RBM27: variants seen among roughly 807,000 people sequenced by gnomAD.
The protein encoded by RBM27 is RNA-binding protein 27.
A neutral mutation model predicts 135.3 loss-of-function variants in RBM27; 22 were observed. The ratio of observed to expected loss-of-function variants is 0.16; its 90% CI spans 0.12 to 0.23. The LOEUF (loss-of-function observed/expected upper bound fraction) is 0.23, where lower values mean the gene tolerates loss of function less well. RBM27 is among the 10% of genes least tolerant of loss of function. The pLI is 1.00. For synonymous variants in RBM27, 481 were observed against 442.4 expected (o/e 1.09, Z -1.10); for missense variants, 1,009 against 1,281.0 (o/e 0.79, Z 3.24).
rs114132358 is a variant in RBM27, at chr5:146,252,793, C to G, written c.1444+918C>G. Among the ~76,000 whole-genome samples, 627 of 152,206 alleles carry G rather than the reference C, an allele frequency of 4.1e-3. 5 individuals carry two copies. Among genetic ancestry groups the G allele is most frequent in the African/African-American group, 0.013 (559 of 41,508 alleles). ...TACTTTTAAGCTAGACATATCATTA[C>G]AGTGTGTTTCCATCAGGAGGGAATG... On this transcript the variant is annotated intron_variant, in intron 9 of 20. Transcript: ENST00000265271.
chr5:146,268,328 C>G (rs1476917194), intron 15 of RBM27, among the ~76,000 whole-genome samples: 1 of 151,676 alleles, frequency 6.6e-6, no homozygotes, highest in South Asian at 2.1e-4. Flanking sequence ...CTGCAACCTC[C>G]GCCTCCTGGG....
chr5:146,223,307 A>G, intron 2 of RBM27, 96 bp from the exon 3 acceptor site: 2 of 1,181,828 alleles, frequency 1.7e-6, no homozygotes, highest in Non-Finnish European at 2.4e-6. Flanking sequence ...CTAGCAGTGT[A>G]CAAGATGTCC....
At position 146,289,104 on chromosome 5, in the gene RBM27, A is replaced by G. The variant is rs1348173296; in HGVS notation, c.*3074A>G. 6.6e-6 allele frequency: 1 copy of G among 152,104 alleles called. No individual in the cohort carries two copies. Among genetic ancestry groups the G allele is most frequent in the Non-Finnish European group, 1.5e-5 (1 of 67,952 alleles). The allele number at this position is 152,104 out of a possible 1,614,324, so 9.4% of individuals were successfully genotyped here. On this transcript the variant is annotated 3_prime_UTR_variant, in exon 21 of 21. Coordinates refer to ENST00000265271, the MANE Select transcript of RBM27 (RefSeq NM_018989.2). ...AGAAGCATGTTGACTTTTGCAATAA[A>G]GATGCAATATGGAATGGTTCACAAT...
chr5:146,261,846 AC>A (rs1412923209), intron 13 of RBM27, 40 bp downstream of exon 13: 1 of 1,605,698 alleles, frequency 6.2e-7, no homozygotes, highest in African/African-American at 1.3e-5. Flanking sequence ...TTTTAGTTAC[AC>A]CCTCTAGATC....
intron 3 of RBM27, among the ~76,000 whole-genome samples, chr5:146,228,233 T>C (rs931296196): frequency 6.6e-6 from 1 of 152,018 alleles, no homozygotes; most frequent in African/African-American, 2.4e-5. Flanking sequence ...GCCAGAAATA[T>C]TATCAGGTAG....
At chr5:146,257,118 C>T (rs1405936170) in intron 10 of RBM27, among the ~76,000 whole-genome samples, 1 of 152,168 alleles carries the variant, frequency 6.6e-6, no homozygotes, top group African/African-American at 2.4e-5. Context: ...TGTAAAATAG[C>T]TAAACGTTAA....
chr5:146,225,589 C>T (rs1447227140), intron 3 of RBM27, among the ~76,000 whole-genome samples: 4 of 140,054 alleles, frequency 2.9e-5, no homozygotes, highest in Admixed American at 1.5e-4. Context: ...TTTTTTGAGA[C>T]GGAGTCCGCT....
intron 3 of RBM27, among the ~76,000 whole-genome samples, chr5:146,226,587 G>T (rs1323751161): frequency 6.6e-6 from 1 of 151,802 alleles, no homozygotes; most frequent in African/African-American, 2.4e-5. Flanking sequence ...CACCATGTTG[G>T]CCAGGCTGGT....
In RBM27 at chr5:146,258,491, C is replaced by T. The variant is rs764829238; in HGVS notation, c.1637C>T (p.Ser546Leu). ...CAGACTGAACCACCAGTTCCTGTTT[C>T]GATTAATAGCAACATAACCAGAGTA... is the stretch of plus-strand genomic sequence containing the variant. ...VIQTEPPVPV[S>L]INSNITRVVL... The change falls in exon 11 of 21, where the codon TCG becomes TTG. Residue 546 changes from serine (S) to leucine (L), a missense_variant. Coordinates refer to ENST00000265271, the MANE Select transcript of RBM27 (RefSeq NM_018989.2). The T allele has an allele frequency of 9.4e-6, 15 of 1,600,030 alleles. No individual in the cohort carries two copies. Among genetic ancestry groups the T allele is most frequent in the African/African-American group, 4.0e-5 (3 of 74,124 alleles).
chr5:146,260,969 C>G, intron 12 of RBM27, 71 bp downstream of exon 12: 3 of 1,445,862 alleles, frequency 2.1e-6, no homozygotes, highest in Non-Finnish European at 2.8e-6. Context: ...ATCAGCTCAC[C>G]TTGTTTAAAT....
intron 17 of RBM27, among the ~76,000 whole-genome samples, chr5:146,270,434 A>G: frequency 6.6e-6 from 1 of 152,294 alleles, no homozygotes; most frequent in South Asian, 2.1e-4. Flanking sequence ...TTTTATTGAA[A>G]TCTTTTCTAA....
intron 9 of RBM27, among the ~76,000 whole-genome samples, chr5:146,253,231 C>T (rs537249760): frequency 3.3e-5 from 5 of 152,156 alleles, no homozygotes; most frequent in South Asian, 2.1e-4. Flanking sequence ...CTCCTGACCT[C>T]GTGATCTGCC....
chr5:146,278,468 C>T (rs536166841), intron 19 of RBM27, among the ~76,000 whole-genome samples: 2 of 152,094 alleles, frequency 1.3e-5, no homozygotes, highest in African/African-American at 2.4e-5. Context: ...ATTATTGTTA[C>T]GAGTTTCTCA....
Position 146,238,081 on chromosome 5 carries a change from T to C in RBM27, c.1279+649T>C, listed in dbSNP as rs139610093. On this transcript the variant is annotated intron_variant, in intron 8 of 20. Transcript: ENST00000265271. ...TTTCTAAAGCATAAGATGTATCTCC[T>C]AAGAAGTATACAAAAGAGCGGGTTA... 4.0e-3 allele frequency among the ~76,000 whole-genome samples: 611 copies of C among 152,338 alleles called. 6 individuals carry two copies. Among genetic ancestry groups the C allele is most frequent in the African/African-American group, 0.014 (576 of 41,576 alleles).
Position 146,223,468 on chromosome 5 carries a change from G to A in RBM27, c.244G>A (p.Glu82Lys), listed in dbSNP as rs753067307. 1 of 1,609,820 alleles carries A rather than the reference G, an allele frequency of 6.2e-7. No individual in the cohort carries two copies. Among genetic ancestry groups the A allele is most frequent in the Non-Finnish European group, 8.5e-7 (1 of 1,178,088 alleles). ...LYTKNYLPLL[E>K]PVKPEPKPLV... The stretch of plus-strand genomic sequence containing the variant: ...TACTAAGAACTACCTTCCACTTTTG[G>A]AACCAGTAAAGCCTGAGCCAAAACC... The change falls in exon 3 of 21, where the codon GAA becomes AAA. Residue 82 changes from glutamate (E) to lysine (K), a missense_variant. Around this residue, in one of 6 missense-constraint regions of RBM27, gnomAD observed 268 missense variants for 326.6 expected, o/e 0.82. Transcript: ENST00000265271.
intron 8 of RBM27, among the ~76,000 whole-genome samples, chr5:146,248,516 A>G (rs1348776585): frequency 6.6e-6 from 1 of 152,138 alleles, no homozygotes; most frequent in African/African-American, 2.4e-5. Context: ...CCCAGGCTGG[A>G]GTGCAGTGGT....
At chr5:146,274,261 T>A (rs1038704525) in intron 19 of RBM27, among the ~76,000 whole-genome samples, 5 of 151,362 alleles carry the variant, frequency 3.3e-5, no homozygotes, top group Non-Finnish European at 7.4e-5. Context: ...TTTTTGTTTT[T>A]TGTTTTCTGT....
chr5:146,251,354 A>G (rs1263919640), intron 8 of RBM27, among the ~76,000 whole-genome samples: 1 of 152,118 alleles, frequency 6.6e-6, no homozygotes, highest in Non-Finnish European at 1.5e-5. Context: ...ATCTCATTGG[A>G]TAGAAAAATT....
intron 19 of RBM27, among the ~76,000 whole-genome samples, chr5:146,283,814 C>G (rs1402412785): frequency 6.6e-6 from 1 of 152,126 alleles, no homozygotes; most frequent in Non-Finnish European, 1.5e-5. Context: ...AATGATTTTG[C>G]TAGATAGACT....
Sources: gnomAD v4.1 joint callset for allele counts (sites outside exome capture counted in the v4.1 genomes callset) on GRCh38, gnomAD v4.1.1 for gene constraint, gnomAD v4.1.1 regional missense constraint, MANE v1.5 for transcripts, NCBI Gene and HGNC (gene_info 2026-07-23, HGNC 2026-07-21) for gene names.